The following DIS3L2 variants were observed in gnomAD, a reference collection of about 807,000 sequenced individuals.
The protein encoded by DIS3L2 is DIS3-like exonuclease 2.
In DIS3L2, 34 loss-of-function variants were observed where a neutral mutation model predicts 97.5. The ratio of observed to expected loss-of-function variants is 0.35; its 90% CI spans 0.27 to 0.46. The LOEUF is 0.46. Ranked by LOEUF, DIS3L2 falls within the 20% of genes least tolerant of loss-of-function variation. DIS3L2 has a pLI of 1.00. For synonymous variants in DIS3L2, 435 were observed against 445.2 expected, an observed-to-expected ratio of 0.98 and a Z score of 0.29; for missense variants, 1,038 against 1,146.0, an observed-to-expected ratio of 0.91 and a Z score of 1.36.
intron 1 of DIS3L2, among the ~76,000 whole-genome samples, chr2:231,996,783 T>C (rs1693745177): frequency 6.6e-6 from 1 of 152,230 alleles, no homozygotes; most frequent in Admixed American, 6.5e-5. Context: ...TACATAAGAC[T>C]GTGGAGGCTT....
intron 9 of DIS3L2, among the ~76,000 whole-genome samples, chr2:232,176,009 C>T (rs1217382426): frequency 6.6e-6 from 1 of 152,154 alleles, no homozygotes; most frequent in Admixed American, 6.5e-5. Context: ...CCTGCTTCAG[C>T]CTCCCAAGTA....
At chr2:232,164,011 T>G (rs967587660) in intron 9 of DIS3L2, among the ~76,000 whole-genome samples, 5 of 152,198 alleles carry the variant, frequency 3.3e-5, no homozygotes, top group African/African-American at 1.2e-4. Flanking sequence ...CCCAGTTGAT[T>G]AGTTGCAACC....
chr2:232,228,607 C>T (rs1269524937), intron 10 of DIS3L2, among the ~76,000 whole-genome samples: 1 of 152,180 alleles, frequency 6.6e-6, no homozygotes, highest in African/African-American at 2.4e-5. Context: ...TCACCATAAT[C>T]CACCAGGAGA....
In DIS3L2 at chr2:232,334,618, A is replaced by T; in HGVS notation, c.2290-13A>T. 1 of 1,604,200 alleles carries T rather than the reference A, an allele frequency of 6.2e-7. No individual in the cohort carries two copies. The highest frequency in any genetic ancestry group is 8.5e-7 in the Non-Finnish European group (1 of 1,175,760). On this transcript the variant is annotated splice_polypyrimidine_tract_variant and intron_variant, in intron 18 of 20. Coordinates refer to ENST00000325385, the MANE Select transcript of DIS3L2 (RefSeq NM_152383.5). ...TGCCAGGAGGTGCCATGGCTGCAGC[A>T]CTGTCCCTGCAGGAGAGTGGCCCCC...
chr2:232,267,204 C>T (rs1487871865), intron 13 of DIS3L2, among the ~76,000 whole-genome samples: 1 of 152,162 alleles, frequency 6.6e-6, no homozygotes, highest in Admixed American at 6.5e-5. Flanking sequence ...GTCTTGTTTA[C>T]CCTAGTGTGC....
intron 6 of DIS3L2, among the ~76,000 whole-genome samples, chr2:232,119,920 G>C (rs1444235043): frequency 6.6e-6 from 1 of 152,212 alleles, no homozygotes; most frequent in Non-Finnish European, 1.5e-5. Flanking sequence ...AAATGGGGTA[G>C]TGAAAGGATG....
At chr2:232,289,589 A>G (rs951120824) in intron 13 of DIS3L2, among the ~76,000 whole-genome samples, 4 of 152,194 alleles carry the variant, frequency 2.6e-5, no homozygotes, top group Admixed American at 2.0e-4. Context: ...GAGATTTTAT[A>G]AGGCTATTTC....
At chr2:232,301,009 G>A (rs917575628) in intron 14 of DIS3L2, among the ~76,000 whole-genome samples, 1 of 152,132 alleles carries the variant, frequency 6.6e-6, no homozygotes, top group Non-Finnish European at 1.5e-5. Flanking sequence ...AAGTGGTGGT[G>A]AATGAGGCAC....
At chr2:232,142,707 TGTG>T (rs1202919585) in intron 8 of DIS3L2, among the ~76,000 whole-genome samples, 1 of 152,210 alleles carries the variant, frequency 6.6e-6, no homozygotes, top group Non-Finnish European at 1.5e-5. Flanking sequence ...TACTTTCTGC[TGTG>T]TCATAGTACT....
At chr2:232,140,419 A>G (rs921842477) in intron 8 of DIS3L2, among the ~76,000 whole-genome samples, 3 of 152,134 alleles carry the variant, frequency 2.0e-5, no homozygotes, top group African/African-American at 7.2e-5. Context: ...GATGACCCCA[A>G]TGTCTTGAGC....
intron 6 of DIS3L2, among the ~76,000 whole-genome samples, chr2:232,099,537 G>T (rs753243404): frequency 6.6e-6 from 1 of 152,118 alleles, no homozygotes; most frequent in Non-Finnish European, 1.5e-5. Flanking sequence ...TATGTGTCAT[G>T]TTAAAATGGA....
intron 11 of DIS3L2, among the ~76,000 whole-genome samples, chr2:232,247,633 G>T (rs1693295616): frequency 1.5e-5 from 1 of 66,310 alleles, no homozygotes; most frequent in Admixed American, 1.3e-4. Flanking sequence ...GGGGGGGGGG[G>T]GGCGGGGGGG....
At chr2:231,967,484 G>T (rs993119010) in intron 1 of DIS3L2, among the ~76,000 whole-genome samples, 2 of 152,144 alleles carry the variant, frequency 1.3e-5, no homozygotes, top group Admixed American at 6.5e-5. Context: ...TCTGATGTCT[G>T]CCACTGTTAG....
chr2:232,254,418 C>T (rs904390074), intron 12 of DIS3L2, among the ~76,000 whole-genome samples: 1 of 152,048 alleles, frequency 6.6e-6, no homozygotes, highest in South Asian at 2.1e-4. Flanking sequence ...GAAATAAAAT[C>T]GAATGCCAAT....
intron 9 of DIS3L2, among the ~76,000 whole-genome samples, chr2:232,208,643 T>C (rs927729573): frequency 1.3e-5 from 2 of 152,194 alleles, no homozygotes; most frequent in Non-Finnish European, 2.9e-5. Context: ...ATCCAGGCTG[T>C]TGCATTTATG....
intron 6 of DIS3L2, among the ~76,000 whole-genome samples, chr2:232,127,195 G>C (rs1178199684): frequency 6.6e-6 from 1 of 152,094 alleles, no homozygotes; most frequent in Non-Finnish European, 1.5e-5. Context: ...TCTGTTTTCT[G>C]AGTTCCAGAC....
At chr2:232,205,798 G>A (rs1056533988) in intron 9 of DIS3L2, among the ~76,000 whole-genome samples, 2 of 152,080 alleles carry the variant, frequency 1.3e-5, no homozygotes, top group African/African-American at 4.8e-5. Context: ...ATTTTATTTT[G>A]TACAGCAGAC....
At chr2:232,062,668 C>A (rs1242830580) in intron 5 of DIS3L2, among the ~76,000 whole-genome samples, 1 of 152,030 alleles carries the variant, frequency 6.6e-6, no homozygotes, top group Non-Finnish European at 1.5e-5. Context: ...TTCTAAGACT[C>A]CCTAGTTCCT....
intron 5 of DIS3L2, among the ~76,000 whole-genome samples, chr2:232,083,289 C>A (rs979831627): frequency 1.5e-5 from 2 of 132,028 alleles, no homozygotes; most frequent in East Asian, 3.8e-4. Flanking sequence ...CCCCCCCCCC[C>A]CCCCCCACAT....
Sources: allele counts gnomAD v4.1 joint callset (sites outside exome capture counted in the v4.1 genomes callset), GRCh38; gene constraint gnomAD v4.1.1; transcripts MANE v1.5; gene names NCBI Gene and HGNC (gene_info 2026-07-23, HGNC 2026-07-21).